The following BNC2 variants were observed in gnomAD, a reference collection of about 807,000 sequenced individuals.
BNC2 encodes basonuclin zinc finger protein 2, also known as zinc finger protein basonuclin-2.
In BNC2, 20 loss-of-function variants were observed where a neutral mutation model predicts 76.3. That is an observed-to-expected ratio of 0.26 (90% CI 0.18 to 0.38). The LOEUF (loss-of-function observed/expected upper bound fraction) is 0.38, where lower values mean the gene tolerates loss of function less well. Among genes scored for constraint, BNC2 ranks in the 10% least tolerant of loss-of-function variants. The pLI, the probability that BNC2 is intolerant of heterozygous loss-of-function variation, is 1.00. For synonymous variants in BNC2, 582 were observed against 514.8 expected, an observed-to-expected ratio of 1.13 and a Z score of -1.77; for missense variants, 1,382 against 1,399.8, an observed-to-expected ratio of 0.99 and a Z score of 0.20.
intron 3 of BNC2, among the ~76,000 whole-genome samples, chr9:16,698,678 G>C (rs1296755656): frequency 6.6e-6 from 1 of 151,706 alleles, no homozygotes; most frequent in African/African-American, 2.4e-5. Flanking sequence ...TGGGCAACAA[G>C]AGCAAAACTC....
chr9:16,656,781 G>C (rs112591291), intron 3 of BNC2, among the ~76,000 whole-genome samples: 1 of 152,008 alleles, frequency 6.6e-6, no homozygotes, highest in African/African-American at 2.4e-5. Context: ...CAGATCTCTG[G>C]GACTTATTCA....
intron 5 of BNC2, among the ~76,000 whole-genome samples, chr9:16,547,847 C>T (rs1195738851): frequency 6.6e-6 from 1 of 152,174 alleles, no homozygotes; most frequent in African/African-American, 2.4e-5. Context: ...CTTCCCTACT[C>T]TTACAGGCTC....
intron 3 of BNC2, among the ~76,000 whole-genome samples, chr9:16,703,035 G>A (rs919370843): frequency 2.6e-5 from 4 of 152,130 alleles, no homozygotes; most frequent in Admixed American, 1.3e-4. Flanking sequence ...TTACTTTTAT[G>A]CGGAGAAGAT....
rs529633137 is a variant in BNC2 at position 16,579,919 on chromosome 9, A to G, written c.433+3064T>C. 4 of 394,348 alleles carry G rather than the reference A, an allele frequency of 1.0e-5. No homozygotes were observed. The South Asian group carries it at 4.3e-4, about 42-fold the overall frequency. 24.4% of individuals were successfully genotyped at this position (394,348 alleles called of 1,614,324 possible). On this transcript the variant is annotated intron_variant, in intron 4 of 6. Transcript: ENST00000380672. Reference sequence around the variant, plus strand: ...GCAGATATTAAAAATTTTTTTATTGACATAATGACAGGTAGAATGCATTCA... The same window carrying G: ...GCAGATATTAAAAATTTTTTTATTGGCATAATGACAGGTAGAATGCATTCA...
intron 1 of BNC2, among the ~76,000 whole-genome samples, chr9:16,767,233 A>C (rs1441096289): frequency 6.6e-6 from 1 of 152,232 alleles, no homozygotes; most frequent in African/African-American, 2.4e-5. Flanking sequence ...TCAAGTATTC[A>C]TCAAGTGCCC....
chr9:16,858,373 C>T (rs1176378684), intron 1 of BNC2, among the ~76,000 whole-genome samples: 2 of 152,140 alleles, frequency 1.3e-5, no homozygotes, highest in Non-Finnish European at 1.5e-5. Context: ...CATTTTTTGG[C>T]TACCAAATGA....
chr9:16,698,400 C>T (rs970256318), intron 3 of BNC2, among the ~76,000 whole-genome samples: 38 of 151,984 alleles, frequency 2.5e-4, no homozygotes, highest in African/African-American at 8.5e-4. Flanking sequence ...CATTAAAAGT[C>T]ATGATGAGGG....
At chr9:16,777,667 T>C (rs533836543) in intron 1 of BNC2, among the ~76,000 whole-genome samples, 21 of 145,542 alleles carry the variant, frequency 1.4e-4, no homozygotes, top group East Asian at 7.8e-4. Flanking sequence ...CACCACTGCA[T>C]TCCAGCCTTG....
intron 3 of BNC2, among the ~76,000 whole-genome samples, chr9:16,662,052 G>C (rs1307090918): frequency 1.3e-5 from 2 of 152,126 alleles, no homozygotes; most frequent in Non-Finnish European, 1.5e-5. Context: ...TTGGGATTTA[G>C]GACCTTAAAA....
chr9:16,671,268 A>G (rs1038667232), intron 3 of BNC2, among the ~76,000 whole-genome samples: 1 of 152,194 alleles, frequency 6.6e-6, no homozygotes, highest in Non-Finnish European at 1.5e-5. Flanking sequence ...CTCCTAAAAG[A>G]CATCCTAAAA....
At chr9:16,566,056 T>C (rs926302567) in intron 4 of BNC2, among the ~76,000 whole-genome samples, 1 of 152,178 alleles carries the variant, frequency 6.6e-6, no homozygotes, top group African/African-American at 2.4e-5. Flanking sequence ...TCTTCTTTCT[T>C]ATTAACTCCT....
chr9:16,422,587 T>C (rs991046644), intron 6 of BNC2, among the ~76,000 whole-genome samples: 36 of 152,298 alleles, frequency 2.4e-4, no homozygotes, highest in African/African-American at 7.7e-4. Flanking sequence ...AAATGCCATA[T>C]GCAAAACACT....
intron 5 of BNC2, among the ~76,000 whole-genome samples, chr9:16,514,798 A>T (rs1353510267): frequency 6.6e-6 from 1 of 152,238 alleles, no homozygotes. Context: ...CAAACAAACA[A>T]ACAAAAAAAC....
chr9:16,573,991 G>A (rs905355613), intron 4 of BNC2, among the ~76,000 whole-genome samples: 1 of 152,152 alleles, frequency 6.6e-6, no homozygotes, highest in African/African-American at 2.4e-5. Flanking sequence ...AGAGGGGAGA[G>A]GAGTTAGAAG....
At chr9:16,475,991 A>G (rs189806832) in intron 5 of BNC2, 4 of 152,328 alleles carry the variant, frequency 2.6e-5, no homozygotes, top group Admixed American at 1.3e-4. Context: ...TTCTGTCAAC[A>G]GTGAAGCAAT....
chr9:16,701,069 T>C (rs1319684201), intron 3 of BNC2, among the ~76,000 whole-genome samples: 1 of 152,102 alleles, frequency 6.6e-6, no homozygotes, highest in East Asian at 1.9e-4. Flanking sequence ...CTAGGCCCCA[T>C]TTTCTGGGGT....
At chr9:16,613,085 A>G (rs992674008) in intron 3 of BNC2, among the ~76,000 whole-genome samples, 6 of 152,206 alleles carry the variant, frequency 3.9e-5, no homozygotes, top group African/African-American at 9.6e-5. Flanking sequence ...ACCTAGGACC[A>G]TAAGGTTAGA....
At chr9:16,786,806 G>A (rs1434487401) in intron 1 of BNC2, among the ~76,000 whole-genome samples, 1 of 152,136 alleles carries the variant, frequency 6.6e-6, no homozygotes, top group Non-Finnish European at 1.5e-5. Context: ...TCAAGGGAAG[G>A]TCATTGATCT....
rs1187277890 is a variant in BNC2 at position 16,417,185 on chromosome 9, A to T, written c.*1804T>A. On this transcript the variant is annotated 3_prime_UTR_variant, in exon 7 of 7. Coordinates refer to ENST00000380672, the MANE Select transcript of BNC2 (RefSeq NM_017637.6). ...AAAAAAGACAACAAAACAGTCTGCA[A>T]TGCACACCCTAATGGTTTTGGCTGC... 1 of 152,632 alleles carries T rather than the reference A, an allele frequency of 6.6e-6. No homozygotes were observed. The highest frequency in any genetic ancestry group is 2.4e-5 in the African/African-American group (1 of 41,464). 9.5% of individuals were successfully genotyped at this position (152,632 alleles called of 1,614,324 possible).
Sources: allele counts gnomAD v4.1 joint callset (sites outside exome capture counted in the v4.1 genomes callset), GRCh38; gene constraint gnomAD v4.1.1; transcripts MANE v1.5; gene names NCBI Gene and HGNC (gene_info 2026-07-23, HGNC 2026-07-21).